The following ALG14 variants were observed in gnomAD, a reference collection of about 807,000 sequenced individuals.
ALG14 encodes ALG14 UDP-N-acetylglucosaminyltransferase subunit, also known as UDP-N-acetylglucosamine transferase subunit ALG14.
Under a neutral mutation model 22.8 loss-of-function variants are expected in ALG14, and 17 were observed. That is an observed-to-expected ratio of 0.75 (90% CI 0.51 to 1.12). ALG14 has a LOEUF of 1.12. ALG14 is among the 50% of genes most tolerant of loss of function. The pLI, the probability that ALG14 is intolerant of heterozygous loss-of-function variation, is 0.00. For missense variants in ALG14, 288 were observed against 271.8 expected, an observed-to-expected ratio of 1.06 and a Z score of -0.42; for synonymous variants, 89 against 103.7, an observed-to-expected ratio of 0.86 and a Z score of 0.86.
chr1:95,018,267 G>A (rs1020741573), intron 3 of ALG14, among the ~76,000 whole-genome samples: 5 of 152,158 alleles, frequency 3.3e-5, no homozygotes, highest in Admixed American at 6.6e-5. Flanking sequence ...CAGGCGCGGT[G>A]GTTCAGGTCT....
chr1:95,069,314 CA>C (rs1675481717), intron 1 of ALG14, among the ~76,000 whole-genome samples: 1 of 152,058 alleles, frequency 6.6e-6, no homozygotes, highest in African/African-American at 2.4e-5. Flanking sequence ...GTCTTAAAAA[CA>C]AAAACCAAAA....
chr1:95,018,302 G>C (rs549973017), intron 3 of ALG14, among the ~76,000 whole-genome samples: 41 of 152,112 alleles, frequency 2.7e-4, no homozygotes, highest in Admixed American at 3.3e-4. Flanking sequence ...TTGGGAGGCT[G>C]AGGAGGGCAG....
rs376090627 is a variant in ALG14, at chr1:95,003,482, C to G, written c.421-20176G>C. 3.3e-4 allele frequency among the ~76,000 whole-genome samples: 47 copies of G among 144,298 alleles called. 1 individual carries two copies. In the South Asian group the frequency reaches 6.8e-3, roughly 21 times the overall value. 94.7% of individuals were successfully genotyped at this position (144,298 alleles called of 152,430 possible). A position where few individuals can be genotyped will look rare whatever the true frequency, so the allele number is the denominator to read the frequency against. On this transcript the variant is annotated intron_variant, in intron 3 of 3. Coordinates refer to ENST00000370205, the MANE Select transcript of ALG14 (RefSeq NM_144988.4). ...TTTTTTTTTTTGAGACAGGGTCTTGCTTTACTGCCCGGGCTGGAGTACGGT... is the reference window on the plus strand; with the variant it reads ...TTTTTTTTTTTGAGACAGGGTCTTGGTTTACTGCCCGGGCTGGAGTACGGT...
At chr1:95,000,086 A>T (rs1031745251) in intron 3 of ALG14, among the ~76,000 whole-genome samples, 1 of 152,146 alleles carries the variant, frequency 6.6e-6, no homozygotes, top group East Asian at 1.9e-4. Context: ...AAGTCCAAAT[A>T]TCCTGGATTA....
intron 3 of ALG14, among the ~76,000 whole-genome samples, chr1:95,024,502 A>G (rs756086463): frequency 6.6e-6 from 1 of 152,214 alleles, no homozygotes; most frequent in Non-Finnish European, 1.5e-5. Context: ...GTCTAAAGAA[A>G]ATTGGAGTTA....
chr1:95,053,900 C>T (rs1381486142), intron 2 of ALG14, among the ~76,000 whole-genome samples: 1 of 152,158 alleles, frequency 6.6e-6, no homozygotes, highest in Non-Finnish European at 1.5e-5. Context: ...ACATACTAGG[C>T]TACAAAGTAA....
intron 2 of ALG14, among the ~76,000 whole-genome samples, chr1:95,060,119 TACACACACAAACACACAC>T (rs1557654370): frequency 2.6e-5 from 3 of 113,524 alleles, no homozygotes; most frequent in Non-Finnish European, 3.7e-5. Context: ...CTCCTATACA[TACACACACAAACACACAC>T]ACACACACAC....
chr1:95,066,225 C>T (rs1193790931), intron 1 of ALG14, among the ~76,000 whole-genome samples: 1 of 151,986 alleles, frequency 6.6e-6, no homozygotes, highest in Non-Finnish European at 1.5e-5. Context: ...ATTCCCTCCA[C>T]CCCCTCACCT....
chr1:95,033,604 A>T (rs1319629159), intron 2 of ALG14, among the ~76,000 whole-genome samples: 1 of 151,992 alleles, frequency 6.6e-6, no homozygotes, highest in African/African-American at 2.4e-5. Context: ...GAAATCAACA[A>T]ATCAACAGTA....
chr1:94,987,574 T>C (rs1258360085), intron 3 of ALG14, among the ~76,000 whole-genome samples: 1 of 152,156 alleles, frequency 6.6e-6, no homozygotes. Flanking sequence ...TTCAACAGGA[T>C]TGTTGTTCTG....
intron 3 of ALG14, among the ~76,000 whole-genome samples, chr1:95,018,889 T>C (rs1466388001): frequency 6.6e-6 from 1 of 152,192 alleles, no homozygotes; most frequent in Non-Finnish European, 1.5e-5. Flanking sequence ...ACTAACAAGG[T>C]TTATCTACAA....
intron 2 of ALG14, among the ~76,000 whole-genome samples, chr1:95,050,925 G>T (rs368932026): frequency 6.7e-6 from 1 of 148,932 alleles, no homozygotes; most frequent in East Asian, 2.0e-4. Context: ...AAGTGCAGTG[G>T]TGTGATCTCC....
rs1418519261 is a variant in ALG14 at position 94,981,410 on chromosome 1, T to G, written c.*1666A>C. On this transcript the variant is annotated 3_prime_UTR_variant, in exon 4 of 4. Transcript: ENST00000370205. ...CCTAGGAAGATGTCCGGCTGACAGA[T>G]GCGCCTGTTACATGATTCAGAGAAG... 6.6e-6 allele frequency: 1 copy of G among 150,612 alleles called. No individual in the cohort carries two copies. Among genetic ancestry groups the G allele is most frequent in the Non-Finnish European group, 1.5e-5 (1 of 67,878 alleles). The allele number at this position is 150,612 out of a possible 1,614,324, so 9.3% of individuals were successfully genotyped here. A position where few individuals can be genotyped will look rare whatever the true frequency, so the allele number is the denominator to read the frequency against.
rs113348956 is a variant in ALG14 at position 95,049,389 on chromosome 1, C to T, written c.288+15477G>A. On this transcript the variant is annotated intron_variant, in intron 2 of 3. Coordinates refer to ENST00000370205, the MANE Select transcript of ALG14 (RefSeq NM_144988.4). Reference sequence around the variant, plus strand: ...CTCTACCAAAAATACAAGAAATTAGCCTGGTGTGAGTGGTGTGCACCTGTA... The same window carrying T: ...CTCTACCAAAAATACAAGAAATTAGTCTGGTGTGAGTGGTGTGCACCTGTA... 5.9e-5 allele frequency among the ~76,000 whole-genome samples: 9 copies of T among 152,050 alleles called. 2 individuals carry two copies. The highest frequency in any genetic ancestry group is 2.2e-4 in the African/African-American group (9 of 41,470).
At chr1:94,992,659 C>G (rs1672804376) in intron 3 of ALG14, among the ~76,000 whole-genome samples, 1 of 151,966 alleles carries the variant, frequency 6.6e-6, no homozygotes, top group South Asian at 2.1e-4. Flanking sequence ...AGTGAATAAC[C>G]TAAACAAAGA....
chr1:95,007,081 G>C (rs548873691), intron 3 of ALG14, among the ~76,000 whole-genome samples: 9 of 152,308 alleles, frequency 5.9e-5, no homozygotes, highest in South Asian at 2.1e-4. Context: ...GACAGAGGAG[G>C]GGGGTGGGGA....
intron 1 of ALG14, among the ~76,000 whole-genome samples, chr1:95,068,839 T>C (rs1242218926): frequency 6.6e-6 from 1 of 152,192 alleles, no homozygotes; most frequent in Non-Finnish European, 1.5e-5. Flanking sequence ...GTCCACCAAA[T>C]GTAACACTAT....
At chr1:95,039,471 G>A (rs1674313532) in intron 2 of ALG14, among the ~76,000 whole-genome samples, 1 of 152,100 alleles carries the variant, frequency 6.6e-6, no homozygotes, top group African/African-American at 2.4e-5. Flanking sequence ...GATTTAGGAC[G>A]CTGGAGAGTT....
At chr1:95,007,759 A>T (rs1381670825) in intron 3 of ALG14, among the ~76,000 whole-genome samples, 1 of 152,256 alleles carries the variant, frequency 6.6e-6, no homozygotes, top group African/African-American at 2.4e-5. Context: ...AGCCAATCTG[A>T]CATGAATACT....
Sources: allele counts gnomAD v4.1 joint callset (sites outside exome capture counted in the v4.1 genomes callset), GRCh38; gene constraint gnomAD v4.1.1; transcripts MANE v1.5; gene names NCBI Gene and HGNC (gene_info 2026-07-23, HGNC 2026-07-21).